CSRNP3: variants seen among roughly 807,000 people sequenced by gnomAD.
The protein encoded by CSRNP3 is cysteine and serine rich nuclear protein 3, also known as cysteine/serine-rich nuclear protein 3.
CSRNP3 carries 12 observed loss-of-function variants against 48.0 expected under a neutral mutation model. That is an observed-to-expected ratio of 0.25 (90% CI 0.16 to 0.41). The LOEUF is 0.41. Among genes scored for constraint, CSRNP3 ranks in the 10% least tolerant of loss-of-function variants. The pLI is 1.00. For missense variants in CSRNP3, 580 were observed against 724.4 expected, an observed-to-expected ratio of 0.80 and a Z score of 2.29; for synonymous variants, 263 against 269.7, an observed-to-expected ratio of 0.98 and a Z score of 0.24.
At chr2:165,544,798 T>C (rs1481106521) in intron 3 of CSRNP3, among the ~76,000 whole-genome samples, 1 of 152,146 alleles carries the variant, frequency 6.6e-6, no homozygotes, top group Non-Finnish European at 1.5e-5. Flanking sequence ...AGAGAATATA[T>C]AAGCTTGAGA....
intron 3 of CSRNP3, chr2:165,574,095 T>A (rs1685411035): frequency 2.3e-6 from 1 of 442,522 alleles, no homozygotes; most frequent in Non-Finnish European, 4.0e-6. Context: ...CCGTGCCCAC[T>A]CCCCATCCTG....
At position 165,609,122 on chromosome 2, in the gene CSRNP3, T is replaced by C. The variant is rs907011532; in HGVS notation, c.148+13909T>C. ...ACTCCGTCTCAAGAAAAAAAAAAAG[T>C]AGTGTCTGGAGTCAGATTACCTAAA... is the stretch of plus-strand genomic sequence containing the variant. On this transcript the variant is annotated intron_variant, in intron 4 of 6. Transcript: ENST00000651982. Among the ~76,000 whole-genome samples the C allele has an allele frequency of 7.9e-5, 10 of 126,818 alleles. 1 individual carries two copies. The highest frequency in any genetic ancestry group is 2.9e-4 in the African/African-American group (10 of 34,080). 83.2% of individuals were successfully genotyped at this position (126,818 alleles called of 152,430 possible). A position where few individuals can be genotyped will look rare whatever the true frequency, so the allele number is the denominator to read the frequency against.
At position 165,546,260 on chromosome 2, in the gene CSRNP3, C is replaced by T. The variant is rs145089868; in HGVS notation, c.-24+28299C>T. Among the ~76,000 whole-genome samples, 12 of 152,234 alleles carry T rather than the reference C, an allele frequency of 7.9e-5. No individual in the cohort carries two copies. The South Asian group carries it at 1.5e-3, about 18-fold the overall frequency. On this transcript the variant is annotated intron_variant, in intron 3 of 6. Transcript: ENST00000651982. The stretch of plus-strand genomic sequence containing the variant: ...AGGCTGGAGTGCAGTGGCGCAGTCT[C>T]GGCTCACTGCAACCTCTGTTCAATT...
intron 3 of CSRNP3, among the ~76,000 whole-genome samples, chr2:165,554,317 G>A (rs1177005468): frequency 6.6e-6 from 1 of 151,934 alleles, no homozygotes; most frequent in African/African-American, 2.4e-5. Context: ...TTTCCTACCT[G>A]GGCTTTAAAT....
At chr2:165,532,113 C>T (rs548222727) in intron 3 of CSRNP3, among the ~76,000 whole-genome samples, 3 of 152,068 alleles carry the variant, frequency 2.0e-5, no homozygotes, top group Non-Finnish European at 4.4e-5. Context: ...GATTCACAGC[C>T]GAATTCTACC....
At chr2:165,519,719 G>A (rs1484210759) in intron 3 of CSRNP3, among the ~76,000 whole-genome samples, 4 of 151,976 alleles carry the variant, frequency 2.6e-5, no homozygotes, top group African/African-American at 9.7e-5. Flanking sequence ...TGACAGCAAT[G>A]AATAAAATAA....
At chr2:165,606,518 G>A (rs556857975) in intron 4 of CSRNP3, among the ~76,000 whole-genome samples, 12 of 152,164 alleles carry the variant, frequency 7.9e-5, no homozygotes, top group African/African-American at 2.9e-4. Flanking sequence ...CATATCATCA[G>A]ATTAGCAAAA....
At chr2:165,632,005 C>G (rs961411690) in intron 4 of CSRNP3, among the ~76,000 whole-genome samples, 1 of 152,202 alleles carries the variant, frequency 6.6e-6, no homozygotes, top group Admixed American at 6.5e-5. Flanking sequence ...AGAGCATCAA[C>G]CTAACTCAAG....
chr2:165,659,450 G>A (rs1442929170), intron 5 of CSRNP3, among the ~76,000 whole-genome samples: 1 of 152,170 alleles, frequency 6.6e-6, no homozygotes, highest in Non-Finnish European at 1.5e-5. Flanking sequence ...AGGAACACAG[G>A]AAGGGGACAG....
chr2:165,678,574 C>T, intron 6 of CSRNP3, 127 bp from the exon 7 acceptor site: 1 of 1,123,490 alleles, frequency 8.9e-7, no homozygotes, highest in Admixed American at 2.7e-5. Flanking sequence ...GTTTGGTTGT[C>T]ATTTGCTCTG....
intron 3 of CSRNP3, among the ~76,000 whole-genome samples, chr2:165,541,340 G>A (rs1014177119): frequency 5.3e-5 from 8 of 151,670 alleles, no homozygotes; most frequent in East Asian, 3.9e-4. Flanking sequence ...TTCTTTACTC[G>A]ATCACTTTTC....
At chr2:165,540,865 T>A (rs1345962028) in intron 3 of CSRNP3, among the ~76,000 whole-genome samples, 1 of 152,084 alleles carries the variant, frequency 6.6e-6, no homozygotes, top group Admixed American at 6.6e-5. Context: ...TCTCTATTTA[T>A]CTTTAATATA....
At chr2:165,478,165 A>G (rs561146072) in intron 1 of CSRNP3, among the ~76,000 whole-genome samples, 2 of 152,336 alleles carry the variant, frequency 1.3e-5, no homozygotes, top group Admixed American at 6.5e-5. Flanking sequence ...TGTATTTTGT[A>G]TATGCATGCT....
intron 3 of CSRNP3, among the ~76,000 whole-genome samples, chr2:165,557,976 A>T (rs985924614): frequency 3.3e-5 from 5 of 152,228 alleles, no homozygotes; most frequent in African/African-American, 7.2e-5. Context: ...ATTCTTATTA[A>T]TGTTGGCCAT....
At chr2:165,602,784 C>A (rs1477231814) in intron 4 of CSRNP3, among the ~76,000 whole-genome samples, 5 of 152,330 alleles carry the variant, frequency 3.3e-5, no homozygotes, top group African/African-American at 1.2e-4. Flanking sequence ...ATACCTGCTA[C>A]AAGGTTCATA....
chr2:165,544,371 G>A (rs1574830696), intron 3 of CSRNP3, among the ~76,000 whole-genome samples: 1 of 152,138 alleles, frequency 6.6e-6, no homozygotes, highest in Non-Finnish European at 1.5e-5. Flanking sequence ...GATAAAGCCA[G>A]TGGACCTAGT....
intron 3 of CSRNP3, among the ~76,000 whole-genome samples, chr2:165,581,577 C>T (rs1685547893): frequency 7.2e-6 from 1 of 138,752 alleles, no homozygotes; most frequent in Admixed American, 7.3e-5. Context: ...CACTCTGTCA[C>T]CCAGGCTGGA....
At chr2:165,640,694 T>C (rs1686708948) in intron 4 of CSRNP3, among the ~76,000 whole-genome samples, 1 of 152,150 alleles carries the variant, frequency 6.6e-6, no homozygotes, top group Non-Finnish European at 1.5e-5. Flanking sequence ...TCACAGGCTA[T>C]AATAAGGAAG....
intron 3 of CSRNP3, among the ~76,000 whole-genome samples, chr2:165,520,840 T>C (rs1329735276): frequency 1.6e-5 from 2 of 128,914 alleles, no homozygotes; most frequent in African/African-American, 2.9e-5. Context: ...TATTTTTTTT[T>C]CCTTTGAGAC....
Sources: gnomAD v4.1 joint callset for allele counts (sites outside exome capture counted in the v4.1 genomes callset) on GRCh38, gnomAD v4.1.1 for gene constraint, MANE v1.5 for transcripts, NCBI Gene and HGNC (gene_info 2026-07-23, HGNC 2026-07-21) for gene names.